The following BLK variants were observed in gnomAD, a reference collection of about 807,000 sequenced individuals.
BLK encodes tyrosine-protein kinase Blk.
BLK carries 64 observed loss-of-function variants against 61.8 expected under a neutral mutation model. The ratio of observed to expected loss-of-function variants is 1.03; its 90% CI spans 0.85 to 1.27. BLK has a LOEUF of 1.27. Ranked by LOEUF, BLK falls within the 50% of genes most tolerant of loss-of-function variation. BLK has a pLI of 0.00. For missense variants in BLK, 853 were observed against 660.5 expected (o/e 1.29, Z -3.19); for synonymous variants, 351 against 272.0 (o/e 1.29, Z -2.86).
intron 12 of BLK, 125 bp from the exon 13 acceptor site, chr8:11,563,778 T>C: frequency 1.1e-6 from 1 of 888,358 alleles, no homozygotes; most frequent in Non-Finnish European, 1.7e-6. Context: ...GCTGGAGAAG[T>C]GGTCTGGGAC....
At chr8:11,517,608 G>C (rs996529540) in intron 1 of BLK, among the ~76,000 whole-genome samples, 3 of 152,260 alleles carry the variant, frequency 2.0e-5, no homozygotes, top group Admixed American at 2.0e-4. Flanking sequence ...ATGTTTGAGA[G>C]CTTTTCTCAG....
At chr8:11,540,225 T>TTTTTTAATA (rs1800316287) in intron 1 of BLK, among the ~76,000 whole-genome samples, 1 of 152,140 alleles carries the variant, frequency 6.6e-6, no homozygotes. Flanking sequence ...GAGGTAGGGG[T>TTTTTTAATA]TCAATTGTAT....
intron 11 of BLK, among the ~76,000 whole-genome samples, chr8:11,562,363 C>T (rs1013731034): frequency 6.6e-6 from 1 of 152,160 alleles, no homozygotes; most frequent in African/African-American, 2.4e-5. Context: ...GACAAGCAGA[C>T]AGGATATGGC....
chr8:11,520,778 G>A (rs1241635803), intron 1 of BLK, among the ~76,000 whole-genome samples: 30 of 152,250 alleles, frequency 2.0e-4, no homozygotes. Flanking sequence ...TGATCTGTTT[G>A]TCTTTCAGGG....
intron 1 of BLK, among the ~76,000 whole-genome samples, chr8:11,532,178 TA>T (rs34209540): frequency 0.59 from 88,156 of 149,284 alleles, 26,776 homozygotes; most frequent in Non-Finnish European, 0.65. Flanking sequence ...TTTCCTTTTA[TA>T]AAAAAATTTT....
At chr8:11,512,211 C>A (rs1799038190) in intron 1 of BLK, among the ~76,000 whole-genome samples, 1 of 152,192 alleles carries the variant, frequency 6.6e-6, no homozygotes. Context: ...TTAATGGGTA[C>A]AGAGTTGGTG....
chr8:11,528,793 C>T (rs1214873434), intron 1 of BLK, among the ~76,000 whole-genome samples: 1 of 152,094 alleles, frequency 6.6e-6, no homozygotes, highest in Non-Finnish European at 1.5e-5. Context: ...AGATTATGTC[C>T]TTTGCATGGA....
intron 6 of BLK, chr8:11,553,193 G>C (rs1800999652): frequency 5.5e-6 from 1 of 182,626 alleles, no homozygotes; most frequent in African/African-American, 2.4e-5. Flanking sequence ...GGAAGCAGGG[G>C]AGTGAGTTCT....
chr8:11,559,039 T>G (rs1801360002), intron 10 of BLK: 2 of 456,076 alleles, frequency 4.4e-6, no homozygotes, highest in African/African-American at 4.0e-5. Flanking sequence ...AGGGCAGTGA[T>G]AAGCCTGCCC....
intron 1 of BLK, among the ~76,000 whole-genome samples, chr8:11,495,623 T>C (rs1485199062): frequency 6.6e-6 from 1 of 152,148 alleles, no homozygotes; most frequent in Non-Finnish European, 1.5e-5. Context: ...ATATTTCACC[T>C]TCAAAAATGT....
chr8:11,555,455 G>A lies in BLK; in HGVS notation c.743G>A (p.Gly248Glu), dbSNP rs1160239209. ...RQSLRLVRKL[G>E]SGQFGEVWMG... ...TCTCTCAGGCTGGTCAGGAAACTCG[G>A]GTCTGGACAATTCGGCGAAGTCTGG... The change falls in exon 8 of 13, where the codon GGG (glycine) becomes GAG (glutamate). Residue 248 changes from glycine (G) to glutamate (E), a missense_variant. Coordinates refer to ENST00000259089, the MANE Select transcript of BLK (RefSeq NM_001715.3). 1.2e-6 allele frequency: 2 copies of A among 1,614,174 alleles called. No homozygotes were observed. The highest frequency in any genetic ancestry group is 3.3e-5 in the Admixed American group (2 of 60,020).
intron 1 of BLK, among the ~76,000 whole-genome samples, chr8:11,499,372 C>G (rs747784995): frequency 1.3e-5 from 2 of 152,222 alleles, no homozygotes; most frequent in Non-Finnish European, 2.9e-5. Flanking sequence ...GAACAGATCC[C>G]TGTAGTGAAG....
At chr8:11,545,768 C>G in intron 2 of BLK, 1 of 482,788 alleles carries the variant, frequency 2.1e-6, no homozygotes, top group South Asian at 2.8e-5. Flanking sequence ...GATGTTAAGC[C>G]CAAGTGGTTG....
At chr8:11,539,725 A>G (rs1016174020) in intron 1 of BLK, among the ~76,000 whole-genome samples, 4 of 152,372 alleles carry the variant, frequency 2.6e-5, no homozygotes, top group African/African-American at 9.6e-5. Flanking sequence ...ATTTGGATTC[A>G]GCAATGAATA....
intron 1 of BLK, among the ~76,000 whole-genome samples, chr8:11,499,463 T>C (rs1198221673): frequency 6.6e-6 from 1 of 152,254 alleles, no homozygotes; most frequent in Non-Finnish European, 1.5e-5. Flanking sequence ...CTCACAGTGC[T>C]TGAGATCCTG....
intron 1 of BLK, among the ~76,000 whole-genome samples, chr8:11,535,459 C>T (rs1419704486): frequency 6.6e-6 from 1 of 152,226 alleles, no homozygotes; most frequent in Admixed American, 6.5e-5. Flanking sequence ...TGTTTTCTAT[C>T]TTCATGTGTT....
At chr8:11,510,774 C>T (rs1272318747) in intron 1 of BLK, among the ~76,000 whole-genome samples, 1 of 144,846 alleles carries the variant, frequency 6.9e-6, no homozygotes, top group African/African-American at 2.5e-5. Flanking sequence ...GACTCCATCT[C>T]AAATAAATAA....
rs1273739972 is a variant in BLK at position 11,532,673 on chromosome 8, T to C, written c.-1-10551T>C. Among the ~76,000 whole-genome samples the C allele has an allele frequency of 3.9e-5, 6 of 152,354 alleles. No individual in the cohort carries two copies. In the East Asian group the frequency reaches 1.2e-3, roughly 29 times the overall value. ...TCATTTCTGTTTTAAGGCACTAGTC[T>C]ACTAATATCAAAATGTGTGCAATTT... On this transcript the variant is annotated intron_variant, in intron 1 of 12. Coordinates refer to ENST00000259089, the MANE Select transcript of BLK (RefSeq NM_001715.3).
At chr8:11,529,310 C>T (rs946754350) in intron 1 of BLK, among the ~76,000 whole-genome samples, 4 of 152,056 alleles carry the variant, frequency 2.6e-5, no homozygotes, top group East Asian at 1.9e-4. Context: ...GAGCATTCGG[C>T]GATCAGAGTT....
Sources: gnomAD v4.1 joint callset for allele counts (sites outside exome capture counted in the v4.1 genomes callset) on GRCh38, gnomAD v4.1.1 for gene constraint, MANE v1.5 for transcripts, NCBI Gene and HGNC (gene_info 2026-07-23, HGNC 2026-07-21) for gene names.